The following BIRC6 variants were observed in gnomAD, a reference collection of about 807,000 sequenced individuals.
BIRC6 encodes the protein baculoviral IAP repeat containing 6.
A neutral mutation model predicts 503.3 loss-of-function variants in BIRC6; 98 were observed. That is an observed-to-expected ratio of 0.19 (90% CI 0.17 to 0.23). The LOEUF (loss-of-function observed/expected upper bound fraction) is 0.23, where lower values mean the gene tolerates loss of function less well. Ranked by LOEUF, BIRC6 falls within the 10% of genes least tolerant of loss-of-function variation. BIRC6 has a pLI of 1.00. For missense variants in BIRC6, 5,360 were observed against 5,806.0 expected, an observed-to-expected ratio of 0.92 and a Z score of 2.50; for synonymous variants, 2,240 against 2,078.7, an observed-to-expected ratio of 1.08 and a Z score of -2.11.
intron 66 of BIRC6, among the ~76,000 whole-genome samples, chr2:32,592,776 G>A (rs998955242): frequency 6.6e-6 from 1 of 151,726 alleles, no homozygotes; most frequent in African/African-American, 2.4e-5. Flanking sequence ...TGCATTTTTA[G>A]TAGAGATGGG....
intron 31 of BIRC6, among the ~76,000 whole-genome samples, chr2:32,470,775 G>A (rs551309579): frequency 1.3e-5 from 2 of 152,248 alleles, no homozygotes; most frequent in East Asian, 1.9e-4. Context: ...TTTGGATTCA[G>A]CCTGCACTTA....
At chr2:32,487,210 T>A (rs2051100524) in intron 40 of BIRC6, among the ~76,000 whole-genome samples, 1 of 152,206 alleles carries the variant, frequency 6.6e-6, no homozygotes, top group South Asian at 2.1e-4. Context: ...GTGTGTAACC[T>A]GGGCATCAGA....
intron 1 of BIRC6, among the ~76,000 whole-genome samples, chr2:32,377,273 C>T (rs1281485106): frequency 6.9e-6 from 1 of 144,802 alleles, no homozygotes; most frequent in African/African-American, 2.6e-5. Flanking sequence ...TTTTATTCTA[C>T]TTGAGAGTTG....
chr2:32,436,230 TGTAAAA>T, intron 15 of BIRC6, 46 bp downstream of exon 15: 1 of 1,338,348 alleles, frequency 7.5e-7, no homozygotes, highest in Non-Finnish European at 9.7e-7. Context: ...ATACCACAGT[TGTAAAA>T]AAGACGAAAA....
At chr2:32,594,094 T>G in intron 67 of BIRC6, 34 bp downstream of exon 67, 2 of 1,590,368 alleles carry the variant, frequency 1.3e-6, no homozygotes, top group African/African-American at 1.3e-5. Context: ...CACTTTTCAT[T>G]TGATGTAAAG....
intron 22 of BIRC6, chr2:32,449,138 G>C: frequency 2.2e-6 from 1 of 454,188 alleles, no homozygotes; most frequent in Non-Finnish European, 3.8e-6. Context: ...AGTCATATTT[G>C]AAAGGGTTGT....
At chr2:32,362,920 G>T (rs960801752) in intron 1 of BIRC6, among the ~76,000 whole-genome samples, 2 of 152,104 alleles carry the variant, frequency 1.3e-5, no homozygotes, top group Non-Finnish European at 2.9e-5. Context: ...GCAAAATGAG[G>T]ATAATTGTAC....
At chr2:32,436,477 T>C (rs1353392280) in intron 15 of BIRC6, among the ~76,000 whole-genome samples, 1 of 152,184 alleles carries the variant, frequency 6.6e-6, no homozygotes, top group Non-Finnish European at 1.5e-5. Flanking sequence ...TAAGCAGACA[T>C]AATGTTCTGC....
chr2:32,589,008 C>CT (rs2061238168), intron 66 of BIRC6, among the ~76,000 whole-genome samples: 1 of 152,096 alleles, frequency 6.6e-6, no homozygotes, highest in Admixed American at 6.5e-5. Flanking sequence ...TATGGTATTT[C>CT]ATAGCTTCCT....
chr2:32,440,046 T>C (rs1478055702), intron 16 of BIRC6, among the ~76,000 whole-genome samples: 2 of 152,124 alleles, frequency 1.3e-5, no homozygotes, highest in Non-Finnish European at 2.9e-5. Flanking sequence ...GCCCAGCTAA[T>C]TTTTGTCTTT....
chr2:32,524,259 AT>A lies in BIRC6; in HGVS notation c.11624-623del, dbSNP rs1008205919. Among the ~76,000 whole-genome samples, 69 of 152,318 alleles carry A rather than the reference AT, an allele frequency of 4.5e-4. 1 individual carries two copies. The highest frequency in any genetic ancestry group is 7.2e-5 in the African/African-American group (3 of 41,574). ...CTATCTATGAGAGCCCTTAATACTC[AT>A]TTTTTAAAGTAAAACACATTAAATT... On this transcript the variant is annotated intron_variant, in intron 57 of 73. Coordinates refer to ENST00000421745, the MANE Select transcript of BIRC6 (RefSeq NM_016252.4).
At chr2:32,590,777 A>C (rs1385157160) in intron 66 of BIRC6, 3 of 985,152 alleles carry the variant, frequency 3.0e-6, no homozygotes, top group Non-Finnish European at 3.6e-6. Flanking sequence ...AATAGTGGAA[A>C]CTTCAGTTGC....
In BIRC6 at chr2:32,401,342, A is replaced by G; in HGVS notation, c.1214A>G (p.Lys405Arg). 1 of 1,614,070 alleles carries G rather than the reference A, an allele frequency of 6.2e-7. No homozygotes were observed. Among genetic ancestry groups the G allele is most frequent in the Non-Finnish European group, 8.5e-7 (1 of 1,179,902 alleles). The change falls in exon 7 of 74, where the codon AAA becomes AGA. Residue 405 changes from lysine to arginine, a missense_variant. Transcript: ENST00000421745. ...CCTCATTTTCTAGCTGCTGCAACTA[A>G]ACGAGGAAAGATCTGCATATGGGAT... ...SCPHFLAAAT[K>R]RGKICIWDVS...
chr2:32,410,654 A>T (rs193047453), intron 9 of BIRC6, among the ~76,000 whole-genome samples: 1 of 152,088 alleles, frequency 6.6e-6, no homozygotes, highest in Admixed American at 6.5e-5. Flanking sequence ...GAGTTACCCT[A>T]AGTGGTTCTT....
intron 45 of BIRC6, among the ~76,000 whole-genome samples, chr2:32,498,733 C>T (rs764128876): frequency 1.9e-4 from 29 of 151,960 alleles, no homozygotes; most frequent in Non-Finnish European, 3.2e-4. Context: ...GATTACAGGC[C>T]CATCACCATG....
At chr2:32,362,537 C>T (rs2034277777) in intron 1 of BIRC6, among the ~76,000 whole-genome samples, 1 of 151,948 alleles carries the variant, frequency 6.6e-6, no homozygotes. Flanking sequence ...CCAGGATGGT[C>T]TCGATCTCTT....
chr2:32,574,416 C>T (rs1464619342), intron 65 of BIRC6, among the ~76,000 whole-genome samples: 1 of 152,030 alleles, frequency 6.6e-6, no homozygotes, highest in Non-Finnish European at 1.5e-5. Context: ...CAGTGTCCGG[C>T]CCCAAGTATA....
chr2:32,543,109 T>C, intron 61 of BIRC6, 132 bp from the exon 62 acceptor site: 1 of 1,095,188 alleles, frequency 9.1e-7, no homozygotes, highest in Non-Finnish European at 1.3e-6. Context: ...TGGAAGCTTG[T>C]TTTTTAAAGC....
intron 23 of BIRC6, among the ~76,000 whole-genome samples, chr2:32,458,759 A>G (rs575794763): frequency 1.1e-4 from 16 of 142,792 alleles, no homozygotes; most frequent in East Asian, 8.1e-4. Flanking sequence ...CAGTGGCTCA[A>G]TCTTGGCTCA....
Sources: allele counts gnomAD v4.1 joint callset (sites outside exome capture counted in the v4.1 genomes callset), GRCh38; gene constraint gnomAD v4.1.1; transcripts MANE v1.5; gene names NCBI Gene and HGNC (gene_info 2026-07-23, HGNC 2026-07-21).